UHRF1: variants seen among roughly 807,000 people sequenced by gnomAD.
UHRF1 encodes E3 ubiquitin-protein ligase UHRF1.
In UHRF1, 9 loss-of-function variants were observed where a neutral mutation model predicts 96.5. That is an observed-to-expected ratio of 0.09 (90% confidence interval 0.06 to 0.16). The LOEUF is 0.16. Among genes scored for constraint, UHRF1 ranks in the 10% least tolerant of loss-of-function variants. The pLI is 1.00. For synonymous variants in UHRF1, 455 were observed against 469.9 expected, an observed-to-expected ratio of 0.97 and a Z score of 0.41; for missense variants, 626 against 1,131.1, an observed-to-expected ratio of 0.55 and a Z score of 6.40.
intron 2 of UHRF1, among the ~76,000 whole-genome samples, chr19:4,923,391 C>T (rs1217620513): frequency 6.6e-6 from 1 of 151,920 alleles, no homozygotes; most frequent in Non-Finnish European, 1.5e-5. Flanking sequence ...AGGGCTGCAC[C>T]TCCGACCTGT....
Position 4,954,830 on chromosome 19 carries a change from C to T in UHRF1, c.2130+8C>T, listed in dbSNP as rs747047626. 2.0e-5 allele frequency: 32 copies of T among 1,612,248 alleles called. No homozygotes were observed. Among genetic ancestry groups the T allele is most frequent in the East Asian group, 1.3e-4 (6 of 44,854 alleles). ...CCGGCGAGCGGCAGCCCGGTAGGCT[C>T]GCACGGCTCACTCGTCGCCCTGATT... On this transcript the variant is annotated splice_region_variant and intron_variant, in intron 15 of 16. Transcript: ENST00000650932. This position sits in a 1 kb window ranked among gnomAD's most constrained non-coding sequence, Gnocchi z 5.9.
At chr19:4,951,068 C>T in intron 13 of UHRF1, 72 bp downstream of exon 13, 2 of 1,461,534 alleles carry the variant, frequency 1.4e-6, no homozygotes, top group Non-Finnish European at 1.8e-6. Context: ...GAGTTCAAGA[C>T]CAGCCTGGCC....
chr19:4,945,415 C>G (rs561635280), intron 9 of UHRF1, among the ~76,000 whole-genome samples: 1 of 152,102 alleles, frequency 6.6e-6, no homozygotes, highest in African/African-American at 2.4e-5. Flanking sequence ...CATGCCACCA[C>G]GCCCAGCTAA....
chr19:4,957,440 C>G (rs2033887792), intron 16 of UHRF1, among the ~76,000 whole-genome samples: 2 of 151,362 alleles, frequency 1.3e-5, no homozygotes, highest in South Asian at 4.2e-4. Context: ...TCCCGAGTAG[C>G]TGGGACTACA....
At position 4,929,457 on chromosome 19, in the gene UHRF1, C is replaced by A; in HGVS notation, c.389C>A (p.Thr130Lys). 6.2e-7 allele frequency: 1 copy of A among 1,613,582 alleles called. No homozygotes were observed. The highest frequency in any genetic ancestry group is 1.1e-5 in the South Asian group (1 of 91,048). Residue 130 changes from threonine to lysine, a missense_variant, in exon 3 of 17, where the codon ACG becomes AAG. Thr to Lys is a moderately conservative substitution (Grantham distance 78). This residue lies in a region of UHRF1 where 22 missense variants were observed against 16.4 expected (regional missense o/e 1.34). Transcript: ENST00000650932. ...RPADEDMWDE[T>K]ELGLYKVNEY... is the part of the protein sequence containing the mutation. ...GCCGATGAGGACATGTGGGATGAGA[C>A]GGAATTGGGGCTGTACAAGGTGAGC... is the stretch of plus-strand genomic sequence containing the variant.
intron 16 of UHRF1, among the ~76,000 whole-genome samples, chr19:4,959,361 C>T (rs2145228968): frequency 6.6e-6 from 1 of 152,322 alleles, no homozygotes; most frequent in East Asian, 1.9e-4. Flanking sequence ...AAGCCACAGG[C>T]TGCCTGGGGC....
At chr19:4,915,537 A>G (rs57986426) in intron 2 of UHRF1, among the ~76,000 whole-genome samples, 3,216 of 152,124 alleles carry the variant, frequency 0.021, 123 homozygotes, top group African/African-American at 0.074. Context: ...ACATGGTGAA[A>G]CCCCGTCTCT....
intron 2 of UHRF1, among the ~76,000 whole-genome samples, chr19:4,917,735 G>T (rs1014551316): frequency 1.3e-5 from 2 of 149,892 alleles, no homozygotes; most frequent in Non-Finnish European, 3.0e-5. Context: ...ATGGCTTACT[G>T]CAACCTCTGT....
chr19:4,911,551 A>T (rs922009214), intron 2 of UHRF1, among the ~76,000 whole-genome samples: 2 of 152,082 alleles, frequency 1.3e-5, no homozygotes, highest in Non-Finnish European at 2.9e-5. Context: ...CTAATCAGGA[A>T]TTTCCGCCAC....
intron 2 of UHRF1, among the ~76,000 whole-genome samples, chr19:4,918,569 C>T (rs1454651340): frequency 6.6e-6 from 1 of 151,604 alleles, no homozygotes; most frequent in African/African-American, 2.4e-5. Context: ...CATGCACCAC[C>T]ATGCCCGGCT....
chr19:4,912,518 T>A (rs1332831750), intron 2 of UHRF1, among the ~76,000 whole-genome samples: 1 of 152,186 alleles, frequency 6.6e-6, no homozygotes, highest in Non-Finnish European at 1.5e-5. Context: ...AACTTTTGCA[T>A]TTCAACCATG....
At chr19:4,943,048 G>T (rs1442914910) in intron 7 of UHRF1, among the ~76,000 whole-genome samples, 1 of 151,898 alleles carries the variant, frequency 6.6e-6, no homozygotes, top group African/African-American at 2.4e-5. Context: ...GGCCAGCCTG[G>T]CCAAGATGGT....
At chr19:4,933,403 A>C (rs1371029109) in intron 5 of UHRF1, among the ~76,000 whole-genome samples, 1 of 152,020 alleles carries the variant, frequency 6.6e-6, no homozygotes, top group African/African-American at 2.4e-5. Context: ...TTTTTAGTAG[A>C]GACGGGGTTT....
At chr19:4,943,429 G>T (rs2033466801) in intron 7 of UHRF1, among the ~76,000 whole-genome samples, 1 of 151,838 alleles carries the variant, frequency 6.6e-6, no homozygotes, top group Admixed American at 6.6e-5. Context: ...TGATGTGCTA[G>T]GCTCGGGTCT....
At chr19:4,917,438 G>A (rs889131963) in intron 2 of UHRF1, among the ~76,000 whole-genome samples, 14 of 151,528 alleles carry the variant, frequency 9.2e-5, no homozygotes, top group Non-Finnish European at 1.3e-4. Flanking sequence ...GGCGGATCAC[G>A]AGGTCAAGAG....
intron 13 of UHRF1, among the ~76,000 whole-genome samples, chr19:4,951,434 C>CCCGTCTCGGGCCCATGCT (rs2145204346): frequency 6.6e-6 from 1 of 152,040 alleles, no homozygotes; most frequent in Admixed American, 6.6e-5. Flanking sequence ...TCCAGGAGGC[C>CCCGTCTCGGGCCCATGCT]TCCCGTCTCG....
chr19:4,934,226 G>A (rs1428744621), intron 5 of UHRF1, among the ~76,000 whole-genome samples: 1 of 151,522 alleles, frequency 6.6e-6, no homozygotes, highest in Non-Finnish European at 1.5e-5. Flanking sequence ...TAGAGTCTGG[G>A]TTTCACCATG....
At position 4,954,214 on chromosome 19, in the gene UHRF1, T is replaced by A; in HGVS notation, c.1819-136T>A. The A allele has an allele frequency of 7.7e-7, 1 of 1,295,242 alleles. No individual in the cohort carries two copies. Among genetic ancestry groups the A allele is most frequent in the Non-Finnish European group, 1.1e-6 (1 of 949,636 alleles). 80.2% of individuals were successfully genotyped at this position (1,295,242 alleles called of 1,614,324 possible). ...TCAGCAAAACTAGATAAGGGAGGAC[T>A]ACCCTGTGCTCTTCAGGGGGATTGG... is the stretch of plus-strand genomic sequence containing the variant. On this transcript the variant is annotated intron_variant, in intron 13 of 16. Transcript: ENST00000650932. The surrounding 1 kb of genome is among the most constrained non-coding windows in gnomAD (Gnocchi z 5.9).
chr19:4,908,912 G>C (rs2032135484), upstream of UHRF1, among the ~76,000 whole-genome samples: 1 of 152,128 alleles, frequency 6.6e-6, no homozygotes, highest in Non-Finnish European at 1.5e-5. Context: ...GGAACAGACA[G>C]GGCGGAGGGG....
Sources: allele counts gnomAD v4.1 joint callset (sites outside exome capture counted in the v4.1 genomes callset), GRCh38; gene constraint gnomAD v4.1.1; regional missense constraint gnomAD v4.1.1; non-coding constraint Gnocchi (gnomAD v3.1); transcripts MANE v1.5; gene names NCBI Gene and HGNC (gene_info 2026-07-23, HGNC 2026-07-21).